PEX7: variants seen among roughly 807,000 people sequenced by gnomAD.
PEX7 encodes PTS2 receptor.
PEX7 carries 34 observed loss-of-function variants against 47.5 expected under a neutral mutation model. That is an observed-to-expected ratio of 0.72 (90% CI 0.54 to 0.95). PEX7 has a LOEUF of 0.95. Ranked by LOEUF, PEX7 falls within the 40% of genes least tolerant of loss-of-function variation. The pLI is 0.00. For missense variants in PEX7, 394 were observed against 400.3 expected (o/e 0.98, Z 0.13); for synonymous variants, 141 against 148.8 (o/e 0.95, Z 0.38).
chr6:136,876,242 T>G (rs1183141449), intron 8 of PEX7, among the ~76,000 whole-genome samples: 3 of 151,932 alleles, frequency 2.0e-5, no homozygotes, highest in African/African-American at 7.3e-5. Context: ...TTTCACCGTG[T>G]TAGCCAGGAT....
chr6:136,862,057 A>T (rs1448431127), intron 5 of PEX7, among the ~76,000 whole-genome samples: 32 of 133,450 alleles, frequency 2.4e-4, no homozygotes, highest in Admixed American at 1.9e-3. Context: ...ATATATATAT[A>T]TTATATATAT....
intron 3 of PEX7, among the ~76,000 whole-genome samples, chr6:136,827,908 T>G (rs999565457): frequency 6.6e-6 from 1 of 152,044 alleles, no homozygotes; most frequent in African/African-American, 2.4e-5. Flanking sequence ...CCCAGGCTAG[T>G]TTTTGTGATG....
At chr6:136,911,716 A>AT (rs35723913) in intron 9 of PEX7, among the ~76,000 whole-genome samples, 78,723 of 151,842 alleles carry the variant, frequency 0.52, 20,425 homozygotes, top group South Asian at 0.58. Flanking sequence ...CTTGTTTTCG[A>AT]TTTTTTGCTA....
chr6:136,884,117 A>G (rs909954614), intron 8 of PEX7, among the ~76,000 whole-genome samples: 1 of 152,170 alleles, frequency 6.6e-6, no homozygotes, highest in African/African-American at 2.4e-5. Context: ...ACTTTTGACT[A>G]TATTACATGT....
At chr6:136,880,875 G>A (rs1381774767) in intron 8 of PEX7, among the ~76,000 whole-genome samples, 1 of 152,312 alleles carries the variant, frequency 6.6e-6, no homozygotes, top group East Asian at 1.9e-4. Flanking sequence ...AGACAGCTGG[G>A]AAGAATAATC....
At chr6:136,889,700 A>G (rs959376408) in intron 8 of PEX7, among the ~76,000 whole-genome samples, 2 of 152,244 alleles carry the variant, frequency 1.3e-5, no homozygotes, top group African/African-American at 2.4e-5. Context: ...TTTTCGTAGT[A>G]GGAAGTCAAA....
chr6:136,876,701 G>T (rs1259618204), intron 8 of PEX7, among the ~76,000 whole-genome samples: 2 of 152,218 alleles, frequency 1.3e-5, no homozygotes, highest in African/African-American at 4.8e-5. Context: ...GTGTTCCATG[G>T]TGTATATGTG....
intron 3 of PEX7, among the ~76,000 whole-genome samples, chr6:136,839,028 A>G (rs1774445890): frequency 6.6e-6 from 1 of 152,072 alleles, no homozygotes; most frequent in African/African-American, 2.4e-5. Context: ...CAAAAAATTA[A>G]AAAATTAGCT....
intron 9 of PEX7, among the ~76,000 whole-genome samples, chr6:136,903,784 C>T (rs1403375431): frequency 6.6e-6 from 1 of 151,756 alleles, no homozygotes; most frequent in East Asian, 1.9e-4. Flanking sequence ...CTCAAGCCTC[C>T]ACTCCCACCC....
At chr6:136,826,981 T>C (rs1338768577) in intron 3 of PEX7, among the ~76,000 whole-genome samples, 4 of 152,240 alleles carry the variant, frequency 2.6e-5, no homozygotes, top group Admixed American at 6.5e-5. Flanking sequence ...TGTGTATGTA[T>C]AGCATAGAAA....
intron 5 of PEX7, among the ~76,000 whole-genome samples, chr6:136,852,227 G>A (rs1309193930): frequency 2.0e-5 from 3 of 152,112 alleles, no homozygotes; most frequent in East Asian, 3.9e-4. Context: ...AGCACTGGAA[G>A]CATTCCCTTT....
chr6:136,903,609 G>A (rs960005232), intron 9 of PEX7, among the ~76,000 whole-genome samples: 4 of 151,642 alleles, frequency 2.6e-5, no homozygotes, highest in Non-Finnish European at 4.4e-5. Flanking sequence ...TTCAGTAAAA[G>A]ATGATTAGAT....
At chr6:136,871,959 G>T (rs976937083) in intron 7 of PEX7, among the ~76,000 whole-genome samples, 1 of 150,854 alleles carries the variant, frequency 6.6e-6, no homozygotes, top group African/African-American at 2.4e-5. Context: ...GTTCTAAAAA[G>T]CTTGAGGGAT....
chr6:136,847,577 C>T (rs1482332774), intron 5 of PEX7, among the ~76,000 whole-genome samples: 1 of 151,808 alleles, frequency 6.6e-6, no homozygotes, highest in South Asian at 2.1e-4. Flanking sequence ...AGCCAGTTTT[C>T]CCAGCACCAT....
intron 5 of PEX7, among the ~76,000 whole-genome samples, chr6:136,865,794 A>T (rs116401778): frequency 6.6e-6 from 1 of 152,298 alleles, no homozygotes; most frequent in African/African-American, 2.4e-5. Flanking sequence ...ATATCAAAAT[A>T]AATAAATAGG....
rs372130143 is a variant in PEX7, at chr6:136,875,159, CT to C, written c.803+2917del. 1.6e-4 allele frequency among the ~76,000 whole-genome samples: 24 copies of C among 149,134 alleles called. No homozygotes were observed. The South Asian group carries it at 3.4e-3, about 21-fold the overall frequency. Reference sequence around the variant, plus strand: ...TGTCTCAAAAAAGAAAAAAAAAGAACTTTTTTTTTTTATTAATCACTGCTTT... The same window carrying C: ...TGTCTCAAAAAAGAAAAAAAAAGAACTTTTTTTTTTATTAATCACTGCTTT... On this transcript the variant is annotated intron_variant, in intron 8 of 9. Transcript: ENST00000318471.
chr6:136,859,679 A>G (rs1312377812), intron 5 of PEX7, among the ~76,000 whole-genome samples: 1 of 152,168 alleles, frequency 6.6e-6, no homozygotes, highest in Admixed American at 6.6e-5. Context: ...GCAATTTGAA[A>G]TTAGACATAG....
intron 8 of PEX7, among the ~76,000 whole-genome samples, chr6:136,888,007 A>G (rs973940230): frequency 1.1e-4 from 16 of 152,006 alleles, no homozygotes; most frequent in Admixed American, 4.6e-4. Context: ...GGTGTGGCTG[A>G]TGGGCTTTTT....
At chr6:136,893,011 A>G (rs1274562670) in intron 8 of PEX7, among the ~76,000 whole-genome samples, 3 of 152,188 alleles carry the variant, frequency 2.0e-5, no homozygotes, top group Admixed American at 6.5e-5. Flanking sequence ...AAAGCTGATC[A>G]TAGACCGATG....
Sources: gnomAD v4.1 joint callset for allele counts (sites outside exome capture counted in the v4.1 genomes callset) on GRCh38, gnomAD v4.1.1 for gene constraint, MANE v1.5 for transcripts, NCBI Gene and HGNC (gene_info 2026-07-23, HGNC 2026-07-21) for gene names.